The following LINGO2 variants were observed in gnomAD, a reference collection of about 807,000 sequenced individuals.
LINGO2 encodes the protein leucine-rich repeat and immunoglobulin-like domain-containing nogo receptor-interacting protein 2.
LINGO2 carries 14 observed loss-of-function variants against 30.6 expected under a neutral mutation model. The observed-to-expected ratio is 0.46, with a 90% CI of 0.30 to 0.72. The LOEUF (loss-of-function observed/expected upper bound fraction) is 0.72. Ranked by LOEUF, LINGO2 falls within the 30% of genes least tolerant of loss-of-function variation. The pLI, the probability that LINGO2 is intolerant of heterozygous loss-of-function variation, is 0.07. For missense variants in LINGO2, 729 were observed against 751.7 expected (o/e 0.97, Z 0.35); for synonymous variants, 317 against 288.5 (o/e 1.10, Z -1.00).
In LINGO2 at chr9:28,158,442, G is replaced by A. The variant is rs755219; in HGVS notation, c.-87+136766C>T. Among the ~76,000 whole-genome samples, 1,029 of 152,288 alleles carry A rather than the reference G, an allele frequency of 6.8e-3. 10 individuals carry two copies. Among genetic ancestry groups the A allele is most frequent in the African/African-American group, 0.023 (965 of 41,552 alleles). ...AGTTACTAAAGGAAGGTCAGAGAAA[G>A]GTGGGCTCTTAAAGTTGGTTGGGGA... is the stretch of plus-strand genomic sequence containing the variant. On this transcript the variant is annotated intron_variant, in intron 4 of 5. Transcript: ENST00000379992.
At chr9:28,729,507 T>A in the LINGO2 span, among the ~76,000 whole-genome samples, 1 of 151,984 alleles carries the variant, frequency 6.6e-6, no homozygotes, top group East Asian at 1.9e-4. Flanking sequence ...TCATTAAATA[T>A]TGGCAGAGAT....
the LINGO2 span, among the ~76,000 whole-genome samples, chr9:29,097,647 AT>A: frequency 5.8e-4 from 80 of 136,934 alleles, 16 homozygotes; most frequent in Admixed American, 2.3e-3. Context: ...AAAATAAGCA[AT>A]TTTTTTTTCT....
chr9:28,014,259 G>C (rs1822709268), intron 4 of LINGO2, among the ~76,000 whole-genome samples: 1 of 151,982 alleles, frequency 6.6e-6, no homozygotes, highest in South Asian at 2.1e-4. Context: ...CTTACCAAAG[G>C]GGAAAAAATG....
At chr9:28,488,373 A>T (rs1024037139) in intron 1 of LINGO2, among the ~76,000 whole-genome samples, 1 of 152,158 alleles carries the variant, frequency 6.6e-6, no homozygotes, top group Non-Finnish European at 1.5e-5. Context: ...GAAATATATT[A>T]CTTACTAATT....
chr9:28,631,600 A>C (rs959211390), intron 1 of LINGO2, among the ~76,000 whole-genome samples: 1 of 152,070 alleles, frequency 6.6e-6, no homozygotes, highest in Non-Finnish European at 1.5e-5. Flanking sequence ...TAAGGGTCGT[A>C]ATATTGGGGA....
upstream of LINGO2, among the ~76,000 whole-genome samples, chr9:28,673,884 T>C (rs1829119762): frequency 6.6e-6 from 1 of 151,130 alleles, no homozygotes; most frequent in South Asian, 2.1e-4. Context: ...AGACAAAAAG[T>C]AGGAATTTGA....
chr9:29,124,017 A>G, the LINGO2 span, among the ~76,000 whole-genome samples: 3 of 152,196 alleles, frequency 2.0e-5, no homozygotes, highest in Non-Finnish European at 4.4e-5. Flanking sequence ...ACTATACTAC[A>G]AGGCTATAGT....
intron 4 of LINGO2, among the ~76,000 whole-genome samples, chr9:28,096,932 T>C (rs929464196): frequency 9.2e-5 from 14 of 152,128 alleles, no homozygotes; most frequent in Non-Finnish European, 7.4e-5. Context: ...CTGTTCTGTA[T>C]GTACATTAAA....
At chr9:28,266,589 C>T (rs1822758658) in intron 4 of LINGO2, among the ~76,000 whole-genome samples, 1 of 151,978 alleles carries the variant, frequency 6.6e-6, no homozygotes, top group African/African-American at 2.4e-5. Context: ...CAGAGTTCTT[C>T]TCTTTGGTTA....
At chr9:28,463,760 GA>G (rs11284018) in intron 2 of LINGO2, among the ~76,000 whole-genome samples, 107,961 of 151,696 alleles carry the variant, frequency 0.71, 38,673 homozygotes, top group East Asian at 0.83. Flanking sequence ...AAAATAAAAT[GA>G]AAAAAAATGA....
intron 4 of LINGO2, among the ~76,000 whole-genome samples, chr9:28,254,661 CT>C (rs1485631892): frequency 1.3e-5 from 2 of 151,908 alleles, no homozygotes; most frequent in African/African-American, 4.8e-5. Context: ...AACATCTGTC[CT>C]TTTACTGAAA....
At chr9:28,992,909 G>A in the LINGO2 span, among the ~76,000 whole-genome samples, 11 of 151,914 alleles carry the variant, frequency 7.2e-5, no homozygotes, top group African/African-American at 2.7e-4. Flanking sequence ...ACAAGAGTAA[G>A]CAGGAAAGAT....
chr9:29,031,853 A>G, the LINGO2 span, among the ~76,000 whole-genome samples: 6 of 152,274 alleles, frequency 3.9e-5, no homozygotes, highest in Non-Finnish European at 7.4e-5. Context: ...TACATAAAAG[A>G]GAGTGAGATA....
intron 5 of LINGO2, among the ~76,000 whole-genome samples, chr9:27,996,488 T>G (rs747596983): frequency 3.9e-5 from 6 of 152,152 alleles, no homozygotes; most frequent in Non-Finnish European, 7.4e-5. Context: ...GTAACATAGA[T>G]GGAACTGGAG....
At chr9:27,983,419 C>A (rs1820976173) in intron 5 of LINGO2, among the ~76,000 whole-genome samples, 1 of 151,686 alleles carries the variant, frequency 6.6e-6, no homozygotes. Flanking sequence ...GGGCATTGAC[C>A]CTGGATTCAG....
intron 1 of LINGO2, among the ~76,000 whole-genome samples, chr9:28,555,421 C>T (rs1335112846): frequency 6.6e-6 from 1 of 151,304 alleles, no homozygotes; most frequent in African/African-American, 2.4e-5. Context: ...TTCCTTGACA[C>T]ATACACTCTC....
In LINGO2 at chr9:28,350,592, G is replaced by A. The variant is rs566916374; in HGVS notation, c.-246+22244C>T. On this transcript the variant is annotated intron_variant, in intron 3 of 5. Coordinates refer to ENST00000379992, the Ensembl canonical transcript of LINGO2. Reference sequence around the variant, plus strand: ...CACTGTCAACATTAGACAGATCAACGAGACAGAAAGTCAAGAAGGATACCC... The same window carrying A: ...CACTGTCAACATTAGACAGATCAACAAGACAGAAAGTCAAGAAGGATACCC... 5.6e-3 allele frequency among the ~76,000 whole-genome samples: 825 copies of A among 146,450 alleles called. 19 individuals are homozygous for A. Among genetic ancestry groups the A allele is most frequent in the African/African-American group, 0.019 (750 of 39,656 alleles).
intron 1 of LINGO2, among the ~76,000 whole-genome samples, chr9:28,623,585 T>C: frequency 6.6e-6 from 1 of 152,134 alleles, no homozygotes; most frequent in Admixed American, 6.5e-5. Flanking sequence ...CCATGCTGTT[T>C]TGGTTAGTAT....
chr9:29,169,538 A>G, the LINGO2 span, among the ~76,000 whole-genome samples: 1 of 152,198 alleles, frequency 6.6e-6, no homozygotes, highest in Non-Finnish European at 1.5e-5. Context: ...AATACTTAAT[A>G]TCACTAATCA....
Sources: allele counts gnomAD v4.1 joint callset (sites outside exome capture counted in the v4.1 genomes callset), GRCh38; gene constraint gnomAD v4.1.1; transcripts MANE v1.5; gene names NCBI Gene and HGNC (gene_info 2026-07-23, HGNC 2026-07-21).